GDPD4: variants seen among roughly 807,000 people sequenced by gnomAD.
The protein encoded by GDPD4 is glycerophosphodiester phosphodiesterase domain containing 4.
GDPD4 carries 60 observed loss-of-function variants against 67.8 expected under a neutral mutation model. That is an observed-to-expected ratio of 0.88 (90% CI 0.72 to 1.10). The LOEUF is 1.10. GDPD4 is among the 50% of genes least tolerant of loss of function. GDPD4 has a pLI of 0.00. For synonymous variants in GDPD4, 212 were observed against 210.9 expected, an observed-to-expected ratio of 1.00 and a Z score of -0.04; for missense variants, 623 against 613.9, an observed-to-expected ratio of 1.01 and a Z score of -0.16.
At chr11:77,282,573 A>G (rs1319949274) in intron 3 of GDPD4, among the ~76,000 whole-genome samples, 1 of 151,820 alleles carries the variant, frequency 6.6e-6, no homozygotes, top group Non-Finnish European at 1.5e-5. Context: ...AGGATCGGTC[A>G]AGCTTGGGAG....
intron 10 of GDPD4, among the ~76,000 whole-genome samples, chr11:77,267,469 C>A (rs1270580481): frequency 6.6e-6 from 1 of 152,158 alleles, no homozygotes; most frequent in Non-Finnish European, 1.5e-5. Context: ...CCAGCATTTA[C>A]TGTTCTTGCT....
At chr11:77,235,973 A>AAAC (rs1555116082) in intron 13 of GDPD4, among the ~76,000 whole-genome samples, 1 of 151,654 alleles carries the variant, frequency 6.6e-6, no homozygotes, top group East Asian at 1.9e-4. Flanking sequence ...AACAAAAAAA[A>AAAC]AACAAAAAAA....
chr11:77,229,123 T>A (rs766409412), intron 15 of GDPD4, 27 bp downstream of exon 15: 6 of 1,125,512 alleles, frequency 5.3e-6, no homozygotes, highest in African/African-American at 3.2e-5. Flanking sequence ...TTGGAAAAAA[T>A]TCATTTAAAA....
chr11:77,243,891 T>G (rs1565517790), intron 12 of GDPD4, 43 bp from the exon 13 acceptor site: 1 of 1,494,412 alleles, frequency 6.7e-7, no homozygotes, highest in East Asian at 2.3e-5. Context: ...TAATCAGCTA[T>G]CCAGGTACGA....
chr11:77,250,372 G>A (rs568309636), intron 11 of GDPD4, among the ~76,000 whole-genome samples: 13 of 152,104 alleles, frequency 8.5e-5, no homozygotes, highest in Non-Finnish European at 1.8e-4. Context: ...AATTCACTTA[G>A]GATAATGGCC....
rs180755064 is a variant in GDPD4 at position 77,272,231 on chromosome 11, A to G, written c.208-838T>C. Among the ~76,000 whole-genome samples, 4 of 152,356 alleles carry G rather than the reference A, an allele frequency of 2.6e-5. No individual in the cohort carries two copies. In the East Asian group the frequency reaches 7.7e-4, roughly 29 times the overall value. ...AACAAACTCTTTCAGAGAATAGAAA[A>G]AGAGAGAATACTTTATAACATCTTA... is the stretch of plus-strand genomic sequence containing the variant. On this transcript the variant is annotated intron_variant, in intron 5 of 16. Coordinates refer to ENST00000315938, the MANE Select transcript of GDPD4 (RefSeq NM_182833.3).
intron 16 of GDPD4, among the ~76,000 whole-genome samples, chr11:77,220,222 T>C (rs185795051): frequency 0.013 from 1,966 of 152,324 alleles, 43 homozygotes; most frequent in African/African-American, 0.045. Flanking sequence ...CTGATTGCCC[T>C]GGCCAGAACT....
intron 9 of GDPD4, 94 bp downstream of exon 9, chr11:77,268,830 T>C (rs1959191268): frequency 3.0e-6 from 4 of 1,315,952 alleles, no homozygotes; most frequent in Non-Finnish European, 3.2e-6. Flanking sequence ...AATCACTTTT[T>C]CTCTCCAGGG....
Position 77,279,176 on chromosome 11 carries a change from A to C in GDPD4, c.147+130T>G, listed in dbSNP as rs1482414059. The stretch of plus-strand genomic sequence containing the variant: ...AATTCAACTAGCTAATGTAAATCCC[A>C]ACTCTACTAAGACAAGAGTGATCTT... On this transcript the variant is annotated intron_variant, in intron 4 of 16. Transcript: ENST00000315938. 3.7e-5 allele frequency: 21 copies of C among 571,436 alleles called. No homozygotes were observed. The East Asian group carries it at 5.9e-4, about 16-fold the overall frequency. The allele number at this position is 571,436 out of a possible 1,614,324, so 35.4% of individuals were successfully genotyped here.
chr11:77,255,107 C>T (rs1958979483), intron 11 of GDPD4, among the ~76,000 whole-genome samples: 1 of 152,092 alleles, frequency 6.6e-6, no homozygotes, highest in Non-Finnish European at 1.5e-5. Flanking sequence ...AGTAGGATAA[C>T]TAAATGCTAC....
At chr11:77,266,569 T>C (rs951547277) in intron 10 of GDPD4, among the ~76,000 whole-genome samples, 1 of 152,154 alleles carries the variant, frequency 6.6e-6, no homozygotes, top group East Asian at 1.9e-4. Context: ...CAGGTAGTCC[T>C]TCAGGAGGTA....
At chr11:77,241,610 C>T (rs1482704903) in intron 13 of GDPD4, among the ~76,000 whole-genome samples, 1 of 133,830 alleles carries the variant, frequency 7.5e-6, no homozygotes, top group Non-Finnish European at 1.5e-5. Flanking sequence ...TGCCTTTCAG[C>T]CTGGGTGACA....
At position 77,276,173 on chromosome 11, in the gene GDPD4, G is replaced by C; in HGVS notation, c.195C>G (p.His65Gln). Residue 65 changes from histidine (H) to glutamine (Q), a missense_variant, in exon 5 of 17, where the codon CAC becomes CAG. Physicochemically the swap from His to Gln is conservative, Grantham distance 24. Coordinates refer to ENST00000315938, the MANE Select transcript of GDPD4 (RefSeq NM_182833.3). ...LLWERIELYLHLCHKILILLV... is the reference protein window; with the variant it reads ...LLWERIELYLQLCHKILILLV... ...TCAGATGTCCTACCTTATGACACAA[G>C]TGCAGGTATAGTTCAATCCTTTCCC... 1 of 1,613,140 alleles carries C rather than the reference G, an allele frequency of 6.2e-7. No individual in the cohort carries two copies. Among genetic ancestry groups the C allele is most frequent in the Non-Finnish European group, 8.5e-7 (1 of 1,179,122 alleles).
chr11:77,218,441 C>T (rs1489186575), intron 16 of GDPD4, among the ~76,000 whole-genome samples: 6 of 152,070 alleles, frequency 3.9e-5, no homozygotes, highest in African/African-American at 1.2e-4. Flanking sequence ...GCACAATGTG[C>T]AGGTTTGTTA....
At chr11:77,234,084 T>C (rs1958505155) in intron 13 of GDPD4, among the ~76,000 whole-genome samples, 1 of 152,168 alleles carries the variant, frequency 6.6e-6, no homozygotes, top group Non-Finnish European at 1.5e-5. Context: ...TGGTATGGCA[T>C]ATTGGAAACT....
intron 1 of GDPD4, among the ~76,000 whole-genome samples, chr11:77,294,512 A>C (rs1387054205): frequency 6.6e-6 from 1 of 152,112 alleles, no homozygotes; most frequent in African/African-American, 2.4e-5. Context: ...TGAGTCTTCT[A>C]ATCTAAGTAC....
intron 1 of GDPD4, among the ~76,000 whole-genome samples, chr11:77,295,657 A>G (rs1184157647): frequency 2.6e-5 from 4 of 152,182 alleles, no homozygotes; most frequent in Non-Finnish European, 5.9e-5. Flanking sequence ...ACCTAAAGCT[A>G]TAAAACTTAC....
chr11:77,262,369 A>G (rs1469280230), intron 10 of GDPD4, among the ~76,000 whole-genome samples: 1 of 152,316 alleles, frequency 6.6e-6, no homozygotes, highest in South Asian at 2.1e-4. Flanking sequence ...ACTGAGGGAT[A>G]AAGAAGATAA....
intron 12 of GDPD4, among the ~76,000 whole-genome samples, chr11:77,244,132 C>T (rs1958732595): frequency 6.6e-6 from 1 of 152,230 alleles, no homozygotes; most frequent in Non-Finnish European, 1.5e-5. Context: ...TCTCCTGCCT[C>T]AGCCTCCCAA....
Sources: gnomAD v4.1 joint callset for allele counts (sites outside exome capture counted in the v4.1 genomes callset) on GRCh38, gnomAD v4.1.1 for gene constraint, MANE v1.5 for transcripts, NCBI Gene and HGNC (gene_info 2026-07-23, HGNC 2026-07-21) for gene names.